The following NEDD4L variants were observed in gnomAD, a reference collection of about 807,000 sequenced individuals.
NEDD4L encodes NEDD4 like E3 ubiquitin protein ligase.
In NEDD4L, 54 loss-of-function variants were observed where a neutral mutation model predicts 148.9. The ratio of observed to expected loss-of-function variants is 0.36; its 90% confidence interval spans 0.29 to 0.45. The LOEUF (loss-of-function observed/expected upper bound fraction) is 0.45. Among genes scored for constraint, NEDD4L ranks in the 20% least tolerant of loss-of-function variants. The pLI, the probability that NEDD4L is intolerant of heterozygous loss-of-function variation, is 1.00. For synonymous variants in NEDD4L, 433 were observed against 440.7 expected, an observed-to-expected ratio of 0.98 and a Z score of 0.22; for missense variants, 856 against 1,233.8, an observed-to-expected ratio of 0.69 and a Z score of 4.59.
At chr18:58,075,602 A>G (rs1263222192) in intron 1 of NEDD4L, among the ~76,000 whole-genome samples, 2 of 152,176 alleles carry the variant, frequency 1.3e-5, no homozygotes, top group Non-Finnish European at 2.9e-5. Flanking sequence ...GGTGTGAGCC[A>G]CTGCATCTAG....
At chr18:58,075,741 A>G (rs1445653869) in intron 1 of NEDD4L, among the ~76,000 whole-genome samples, 1 of 152,176 alleles carries the variant, frequency 6.6e-6, no homozygotes, top group African/African-American at 2.4e-5. Flanking sequence ...GCCTGGGCTA[A>G]CATAGCAAGA....
intron 5 of NEDD4L, among the ~76,000 whole-genome samples, chr18:58,278,100 TA>T (rs565011761): frequency 5.9e-4 from 88 of 148,776 alleles, no homozygotes; most frequent in African/African-American, 1.3e-3. Context: ...TTTTTACAAT[TA>T]AAAAAAAAAA....
In NEDD4L at chr18:58,044,449, C is replaced by G. The variant is rs1421358005; in HGVS notation, c.-212C>G. On this transcript the variant is annotated 5_prime_UTR_variant, in exon 1 of 31. Transcript: ENST00000400345. The stretch of plus-strand genomic sequence containing the variant: ...TCTCGGGAGCCGCCCGCCCGCTGGT[C>G]CCGCAGCCTTCCGGGAGGAAGCGGT... The G allele has an allele frequency of 2.1e-6, 1 of 486,428 alleles. No homozygotes were observed. The highest frequency in any genetic ancestry group is 3.1e-6 in the Non-Finnish European group (1 of 322,666). The allele number at this position is 486,428 out of a possible 1,614,324, so 30.1% of individuals were successfully genotyped here.
At chr18:58,136,184 G>C (rs567020075) in intron 1 of NEDD4L, among the ~76,000 whole-genome samples, 1 of 152,012 alleles carries the variant, frequency 6.6e-6, no homozygotes, top group Non-Finnish European at 1.5e-5. Context: ...GGCTCTCTGT[G>C]GGAAGCCATT....
chr18:58,297,627 G>T (rs751599950), intron 5 of NEDD4L, among the ~76,000 whole-genome samples: 2 of 152,030 alleles, frequency 1.3e-5, no homozygotes, highest in South Asian at 2.1e-4. Flanking sequence ...GATTTATTAG[G>T]TCCTGACCCC....
chr18:58,204,720 A>G (rs751537480), intron 2 of NEDD4L, among the ~76,000 whole-genome samples: 1 of 152,216 alleles, frequency 6.6e-6, no homozygotes, highest in Non-Finnish European at 1.5e-5. Context: ...AAGTTTAGAT[A>G]GTCCATCATG....
intron 5 of NEDD4L, among the ~76,000 whole-genome samples, chr18:58,300,955 G>A (rs1193464556): frequency 6.6e-6 from 1 of 152,180 alleles, no homozygotes; most frequent in African/African-American, 2.4e-5. Flanking sequence ...TATTACAGCA[G>A]GGTGTATCTC....
intron 2 of NEDD4L, among the ~76,000 whole-genome samples, chr18:58,243,402 C>CA (rs2046874883): frequency 6.6e-6 from 1 of 152,204 alleles, no homozygotes; most frequent in Admixed American, 6.5e-5. Context: ...ATACTCTTTT[C>CA]AAATGCCATC....
chr18:58,270,829 G>A (rs1363550190), intron 5 of NEDD4L, among the ~76,000 whole-genome samples: 1 of 151,888 alleles, frequency 6.6e-6, no homozygotes, highest in Non-Finnish European at 1.5e-5. Context: ...GTTTAGTCAA[G>A]CTCACTAGCA....
At chr18:58,264,958 A>T (rs548946949) in intron 5 of NEDD4L, among the ~76,000 whole-genome samples, 1 of 152,200 alleles carries the variant, frequency 6.6e-6, no homozygotes, top group East Asian at 1.9e-4. Context: ...CTTGGTTTAT[A>T]GAGCTTTCAG....
chr18:58,060,337 C>T (rs1405030367), intron 1 of NEDD4L, among the ~76,000 whole-genome samples: 1 of 152,108 alleles, frequency 6.6e-6, no homozygotes, highest in African/African-American at 2.4e-5. Flanking sequence ...TGGTCTCGAA[C>T]CCCTGGCCTC....
Position 58,263,634 on chromosome 18 carries a change from C to T in NEDD4L, c.297+11580C>T, listed in dbSNP as rs138279313. ...CATCCATTTCCTTGACATTTTCAAG[C>T]GTGATAATAAATCCTACTTCTTAGG... On this transcript the variant is annotated intron_variant, in intron 5 of 30. Coordinates refer to ENST00000400345, the MANE Select transcript of NEDD4L (RefSeq NM_001144967.3). 1.4e-4 allele frequency among the ~76,000 whole-genome samples: 20 copies of T among 144,274 alleles called. No homozygotes were observed. In the Middle Eastern group the frequency reaches 0.015, roughly 106 times the overall value. 94.6% of individuals were successfully genotyped at this position (144,274 alleles called of 152,430 possible). A position where few individuals can be genotyped will look rare whatever the true frequency, so the allele number is the denominator to read the frequency against.
chr18:58,111,608 G>A (rs996792769), intron 1 of NEDD4L, among the ~76,000 whole-genome samples: 4 of 152,160 alleles, frequency 2.6e-5, no homozygotes, highest in Non-Finnish European at 5.9e-5. Context: ...GCAGGTATCA[G>A]CACTTCATTC....
chr18:58,080,826 T>A (rs1336474741), intron 1 of NEDD4L, among the ~76,000 whole-genome samples: 1 of 152,164 alleles, frequency 6.6e-6, no homozygotes, highest in Non-Finnish European at 1.5e-5. Flanking sequence ...TCCCTTGATC[T>A]TCCTCAAACC....
Position 58,341,129 on chromosome 18 carries a change from A to G in NEDD4L, c.1217A>G (p.His406Arg), listed in dbSNP as rs2042365082. The change falls in exon 14 of 31, where the codon CAT becomes CGT. Residue 406 changes from histidine to arginine, a missense_variant. Around this residue, in one of 4 missense-constraint regions of NEDD4L, gnomAD observed 367 missense variants for 422.7 expected, o/e 0.87. Coordinates refer to ENST00000400345, the MANE Select transcript of NEDD4L (RefSeq NM_001144967.3). ...AAGGGGCGCACATACTATGTCAATCATAACAATCGAACCACAACTTGGACT... is the reference window on the plus strand; with the variant it reads ...AAGGGGCGCACATACTATGTCAATCGTAACAATCGAACCACAACTTGGACT... ...DAKGRTYYVN[H>R]NNRTTTWTRP... 6.2e-7 allele frequency: 1 copy of G among 1,612,908 alleles called. No individual in the cohort carries two copies. The highest frequency in any genetic ancestry group is 8.5e-7 in the Non-Finnish European group (1 of 1,179,536).
rs574597422 is a variant in NEDD4L, at chr18:58,162,953, A to G, written c.49-2835A>G. Among the ~76,000 whole-genome samples the G allele has an allele frequency of 2.6e-5, 4 of 152,184 alleles. No individual in the cohort carries two copies. In the South Asian group the frequency reaches 8.3e-4, roughly 32 times the overall value. ...GTGGCACACACCTGTAATCTCAGCTACTTGGGAGGCTGACGCAGAAGAATC... is the reference window on the plus strand; with the variant it reads ...GTGGCACACACCTGTAATCTCAGCTGCTTGGGAGGCTGACGCAGAAGAATC... On this transcript the variant is annotated intron_variant, in intron 1 of 30. Coordinates refer to ENST00000400345, the MANE Select transcript of NEDD4L (RefSeq NM_001144967.3).
At chr18:58,245,557 A>G in intron 3 of NEDD4L, 49 bp downstream of exon 3, 1 of 998,018 alleles carries the variant, frequency 1.0e-6, no homozygotes. Context: ...AATTTAATCC[A>G]ATTATGCACA....
chr18:58,107,308 A>G (rs1225569950), intron 1 of NEDD4L, among the ~76,000 whole-genome samples: 1 of 152,240 alleles, frequency 6.6e-6, no homozygotes, highest in Non-Finnish European at 1.5e-5. Context: ...ATACCAGTAA[A>G]TGATTAGTAA....
chr18:58,084,325 T>C (rs1275474342), intron 1 of NEDD4L, among the ~76,000 whole-genome samples: 1 of 152,154 alleles, frequency 6.6e-6, no homozygotes, highest in Non-Finnish European at 1.5e-5. Context: ...ATTCTTAGAT[T>C]ATGAGGATGC....
Sources: allele counts gnomAD v4.1 joint callset (sites outside exome capture counted in the v4.1 genomes callset), GRCh38; gene constraint gnomAD v4.1.1; regional missense constraint gnomAD v4.1.1; transcripts MANE v1.5; gene names NCBI Gene and HGNC (gene_info 2026-07-23, HGNC 2026-07-21).